The following GALNT15 variants were observed in gnomAD, a reference collection of about 807,000 sequenced individuals.
The protein encoded by GALNT15 is UDP-GalNAc transferase T15.
Under a neutral mutation model 66.8 loss-of-function variants are expected in GALNT15, and 67 were observed. The ratio of observed to expected loss-of-function variants is 1.00; its 90% CI spans 0.82 to 1.23. The LOEUF (loss-of-function observed/expected upper bound fraction) is 1.23, where lower values mean the gene tolerates loss of function less well. Ranked by LOEUF, GALNT15 falls within the 50% of genes most tolerant of loss-of-function variation. GALNT15 has a pLI of 0.00. For synonymous variants in GALNT15, 313 were observed against 311.5 expected (o/e 1.00, Z -0.05); for missense variants, 827 against 804.3 (o/e 1.03, Z -0.34).
At chr3:16,196,192 C>A (rs2063634590) in intron 2 of GALNT15, among the ~76,000 whole-genome samples, 2 of 152,250 alleles carry the variant, frequency 1.3e-5, no homozygotes, top group Admixed American at 6.5e-5. Flanking sequence ...GTCGCCTCAG[C>A]CTGATCCCGT....
chr3:16,202,127 A>G (rs2063710236), intron 3 of GALNT15, among the ~76,000 whole-genome samples: 1 of 152,258 alleles, frequency 6.6e-6, no homozygotes, highest in Non-Finnish European at 1.5e-5. Context: ...CCATCAGCCA[A>G]ATGGAGATGG....
intron 3 of GALNT15, among the ~76,000 whole-genome samples, chr3:16,207,497 G>T (rs2063768508): frequency 1.0e-5 from 1 of 97,890 alleles, no homozygotes; most frequent in Admixed American, 1.5e-4. Context: ...ATATCTCCAG[G>T]CTGTAAAAAA....
At chr3:16,231,707 T>G, downstream of GALNT15, 1 of 1,019,484 alleles carries the variant, frequency 9.8e-7, no homozygotes, top group Non-Finnish European at 1.5e-6. The surrounding 1 kb of genome is among the most constrained non-coding windows in gnomAD (Gnocchi z 4.1). Flanking sequence ...TAGCTCATAG[T>G]CAATGGACAT....
Position 16,224,732 on chromosome 3 carries a change from G to C in GALNT15, c.1773+1974G>C, listed in dbSNP as rs2063987079. 6.6e-6 allele frequency among the ~76,000 whole-genome samples: 1 copy of C among 151,218 alleles called. No individual in the cohort carries two copies. Among genetic ancestry groups the C allele is most frequent in the African/African-American group, 2.4e-5 (1 of 41,078 alleles). Reference sequence around the variant, plus strand: ...GCTCACTGCAACCTCTGCCTCCCGGGTTCAAGCGATTCTCCTGCCTCAGCC... The same window carrying C: ...GCTCACTGCAACCTCTGCCTCCCGGCTTCAAGCGATTCTCCTGCCTCAGCC... On this transcript the variant is annotated intron_variant, in intron 9 of 9. Coordinates refer to ENST00000339732, the MANE Select transcript of GALNT15 (RefSeq NM_054110.5). The surrounding 1 kb of genome is among the most constrained non-coding windows in gnomAD (Gnocchi z 5.2).
intron 8 of GALNT15, 122 bp downstream of exon 8, chr3:16,220,136 T>C (rs2063927546): frequency 1.3e-6 from 1 of 748,248 alleles, no homozygotes; most frequent in Non-Finnish European, 2.4e-6. Context: ...CCATGTCCCT[T>C]GACTGCCATG....
rs1182862766 is a variant in GALNT15, at chr3:16,209,982, A to C, written c.1080-1142A>C. ...TATATTTGACTAAAGAGTGCCGGGC[A>C]GACCCCACTAGGACTGATGTGTGGT... is the stretch of plus-strand genomic sequence containing the variant. On this transcript the variant is annotated intron_variant, in intron 4 of 9. Coordinates refer to ENST00000339732, the MANE Select transcript of GALNT15 (RefSeq NM_054110.5). This position sits in a 1 kb window ranked among gnomAD's most constrained non-coding sequence, Gnocchi z 4.1. Among the ~76,000 whole-genome samples, 4 of 152,232 alleles carry C rather than the reference A, an allele frequency of 2.6e-5. No homozygotes were observed. Among genetic ancestry groups the C allele is most frequent in the African/African-American group, 9.6e-5 (4 of 41,466 alleles).
the GALNT15 span, among the ~76,000 whole-genome samples, chr3:16,240,833 C>T: frequency 4.2e-4 from 64 of 152,298 alleles, 1 homozygote; most frequent in South Asian, 0.013. Context: ...ACCCGCCTCC[C>T]CAGCACAGCC....
Position 16,178,589 on chromosome 3 carries a change from G to C in GALNT15, c.539+2899G>C, listed in dbSNP as rs559724092. 2.6e-5 allele frequency among the ~76,000 whole-genome samples: 4 copies of C among 152,144 alleles called. No homozygotes were observed. In the East Asian group the frequency reaches 7.7e-4, roughly 29 times the overall value. On this transcript the variant is annotated intron_variant, in intron 1 of 9. Transcript: ENST00000339732. Reference sequence around the variant, plus strand: ...CTGCAGACTCCCCTCTCCAGTCTGCGGTTCAAGCTCTGGCGCCTTCCCTTA... The same window carrying C: ...CTGCAGACTCCCCTCTCCAGTCTGCCGTTCAAGCTCTGGCGCCTTCCCTTA...
In GALNT15 at chr3:16,211,135, T is replaced by C. The variant is rs1172533537; in HGVS notation, c.1091T>C (p.Val364Ala). The change falls in exon 5 of 10, where the codon GTG becomes GCG. Residue 364 changes from valine to alanine, a missense_variant. Transcript: ENST00000339732. This position sits in a 1 kb window ranked among gnomAD's most constrained non-coding sequence, Gnocchi z 4.3. ...SPISPIRSPVVPGEVVAMDRH... is the reference protein window; with the variant it reads ...SPISPIRSPVAPGEVVAMDRH... ...TCTTCTGTGTCCAGGAGCCCTGTGG[T>C]GCCCGGAGAGGTGGTGGCCATGGAC... The C allele has an allele frequency of 6.2e-7, 1 of 1,612,842 alleles. No homozygotes were observed. The highest frequency in any genetic ancestry group is 1.7e-5 in the Admixed American group (1 of 60,018).
In GALNT15 at chr3:16,174,887, CCCTGTGAATGGG is replaced by C. The variant is rs1193580127; in HGVS notation, c.-263_-252del. The C allele has an allele frequency of 1.3e-5, 6 of 476,318 alleles. No individual in the cohort carries two copies. The East Asian group carries it at 2.0e-4, about 16-fold the overall frequency. The allele number at this position is 476,318 out of a possible 1,614,324, so 29.5% of individuals were successfully genotyped here. On this transcript the variant is annotated 5_prime_UTR_variant, in exon 1 of 10. It removes an upstream start codon present in the reference 5' UTR. Transcript: ENST00000339732. The surrounding 1 kb of genome is among the most constrained non-coding windows in gnomAD (Gnocchi z 4.7). ...GGAGGGAAGCAATTCAATTTGAAGTCCCTGTGAATGGGCTTTCAGAAGGCAATTAAAGAAATC... is the reference window on the plus strand; with the variant it reads ...GGAGGGAAGCAATTCAATTTGAAGTCCTTTCAGAAGGCAATTAAAGAAATC...
intron 1 of GALNT15, among the ~76,000 whole-genome samples, chr3:16,178,050 T>TGC (rs1294069670): frequency 8.5e-5 from 13 of 152,306 alleles, no homozygotes; most frequent in African/African-American, 2.9e-4. Context: ...GCATGTACTG[T>TGC]GCCTGTGTGT....
At chr3:16,213,221 C>T (rs943015939) in intron 6 of GALNT15, among the ~76,000 whole-genome samples, 6 of 151,840 alleles carry the variant, frequency 4.0e-5, no homozygotes, top group Admixed American at 6.6e-5. Flanking sequence ...TTTGGGAGGC[C>T]GAGGTGGGTG....
intron 8 of GALNT15, among the ~76,000 whole-genome samples, chr3:16,221,050 C>T (rs1389705038): frequency 2.0e-5 from 3 of 152,098 alleles, no homozygotes; most frequent in Non-Finnish European, 2.9e-5. Context: ...AGACATAGCT[C>T]GGTTTGAATC....
At chr3:16,247,097 AGTG>A in the GALNT15 span, among the ~76,000 whole-genome samples, 1 of 144,800 alleles carries the variant, frequency 6.9e-6, no homozygotes, top group African/African-American at 2.5e-5. Flanking sequence ...CAAAGACTGT[AGTG>A]TGTGTGTGTG....
intron 6 of GALNT15, among the ~76,000 whole-genome samples, chr3:16,218,245 T>A (rs2063901397): frequency 6.6e-6 from 1 of 152,278 alleles, no homozygotes; most frequent in Admixed American, 6.5e-5. Flanking sequence ...AAACCAATCA[T>A]ACTTTACACA....
At position 16,211,134 on chromosome 3, in the gene GALNT15, G is replaced by A; in HGVS notation, c.1090G>A (p.Val364Met). The change falls in exon 5 of 10, where the codon GTG (valine) becomes ATG (methionine). Residue 364 changes from valine to methionine, a missense_variant. By Grantham distance (21) the Val-to-Met change is conservative. Coordinates refer to ENST00000339732, the MANE Select transcript of GALNT15 (RefSeq NM_054110.5). The surrounding 1 kb of genome is among the most constrained non-coding windows in gnomAD (Gnocchi z 4.3). Reference protein sequence around the residue: ...SPISPIRSPVVPGEVVAMDRH... With the variant: ...SPISPIRSPVMPGEVVAMDRH... ...GTCTTCTGTGTCCAGGAGCCCTGTG[G>A]TGCCCGGAGAGGTGGTGGCCATGGA... is the stretch of plus-strand genomic sequence containing the variant. 1 of 1,612,802 alleles carries A rather than the reference G, an allele frequency of 6.2e-7. No homozygotes were observed. The highest frequency in any genetic ancestry group is 8.5e-7 in the Non-Finnish European group (1 of 1,178,874).
intron 1 of GALNT15, among the ~76,000 whole-genome samples, chr3:16,179,127 T>C (rs1367882925): frequency 6.6e-6 from 1 of 152,200 alleles, no homozygotes; most frequent in Admixed American, 6.5e-5. Context: ...CAAAAGACAG[T>C]CTCTGAAAAG....
rs1328727853 is a variant in GALNT15 at position 16,175,166 on chromosome 3, G to A, written c.15G>A (p.Lys5=). The A allele has an allele frequency of 1.2e-6, 2 of 1,611,268 alleles. No homozygotes were observed. Among genetic ancestry groups the A allele is most frequent in the Non-Finnish European group, 1.7e-6 (2 of 1,177,774 alleles). ...GTTCTAGCAACATGCTCCTAAGGAA[G>A]CGATACAGGCACAGACCATGCAGAC... MLLR[K]RYRHRPCRLQ... Residue 5 remains lysine (K), a synonymous_variant, in exon 1 of 10, where the codon AAG becomes AAA. Coordinates refer to ENST00000339732, the MANE Select transcript of GALNT15 (RefSeq NM_054110.5). This position sits in a 1 kb window ranked among gnomAD's most constrained non-coding sequence, Gnocchi z 5.6.
At position 16,175,111 on chromosome 3, in the gene GALNT15, A is replaced by G. The variant is rs774332414; in HGVS notation, c.-41A>G. On this transcript the variant is annotated 5_prime_UTR_variant, in exon 1 of 10. Transcript: ENST00000339732. This position sits in a 1 kb window ranked among gnomAD's most constrained non-coding sequence, Gnocchi z 5.6. ...AAGGAGCCTGGAGCGGGAGAAAGCTAACTTGAACATGACCTGTTGCATTTG... is the reference window on the plus strand; with the variant it reads ...AAGGAGCCTGGAGCGGGAGAAAGCTGACTTGAACATGACCTGTTGCATTTG... 1 of 1,572,094 alleles carries G rather than the reference A, an allele frequency of 6.4e-7. No individual in the cohort carries two copies. Among genetic ancestry groups the G allele is most frequent in the East Asian group, 2.3e-5 (1 of 44,258 alleles).
Sources: gnomAD v4.1 joint callset for allele counts (sites outside exome capture counted in the v4.1 genomes callset) on GRCh38, gnomAD v4.1.1 for gene constraint, Gnocchi (gnomAD v3.1) non-coding constraint, MANE v1.5 for transcripts, NCBI Gene and HGNC (gene_info 2026-07-23, HGNC 2026-07-21) for gene names.